PLCL2: variants seen among roughly 807,000 people sequenced by gnomAD.
The protein encoded by PLCL2 is phospholipase C like 2, also known as inactive phospholipase C-like protein 2.
PLCL2 carries 4 observed loss-of-function variants against 79.6 expected under a neutral mutation model. The ratio of observed to expected loss-of-function variants is 0.05; its 90% CI spans 0.02 to 0.11. The LOEUF is 0.11. Ranked by LOEUF, PLCL2 falls within the 10% of genes least tolerant of loss-of-function variation. The pLI is 1.00. For synonymous variants in PLCL2, 484 were observed against 457.7 expected, an observed-to-expected ratio of 1.06 and a Z score of -0.73; for missense variants, 895 against 1,291.0, an observed-to-expected ratio of 0.69 and a Z score of 4.70.
intron 1 of PLCL2, among the ~76,000 whole-genome samples, chr3:16,967,016 A>G (rs2063814647): frequency 6.6e-6 from 1 of 152,120 alleles, no homozygotes; most frequent in Admixed American, 6.6e-5. Context: ...AAGTGAGAAC[A>G]TGCAGTATTT....
At chr3:17,038,579 T>G (rs895693359) in intron 3 of PLCL2, among the ~76,000 whole-genome samples, 3 of 152,188 alleles carry the variant, frequency 2.0e-5, no homozygotes, top group African/African-American at 7.2e-5. Context: ...AGATGCTTAT[T>G]CTAGTAGTTT....
At chr3:17,027,094 T>C (rs566323177) in intron 3 of PLCL2, among the ~76,000 whole-genome samples, 1 of 152,262 alleles carries the variant, frequency 6.6e-6, no homozygotes, top group East Asian at 1.9e-4. Context: ...GTAATATGTG[T>C]TTATTCTTTT....
At chr3:17,077,517 G>A (rs1324870803) in intron 5 of PLCL2, among the ~76,000 whole-genome samples, 1 of 152,200 alleles carries the variant, frequency 6.6e-6, no homozygotes, top group Non-Finnish European at 1.5e-5. Context: ...CATCAGGAAT[G>A]TAGAATGGAA....
chr3:17,090,273 T>A lies in PLCL2; in HGVS notation c.*361T>A. On this transcript the variant is annotated 3_prime_UTR_variant, in exon 6 of 6. Transcript: ENST00000615277. The stretch of plus-strand genomic sequence containing the variant: ...TGGATTGGATTGTCAAATTATTATT[T>A]ATTGGAGAAAAAAACCTGATCTACA... 1.0e-6 allele frequency: 1 copy of A among 984,306 alleles called. No homozygotes were observed. Among genetic ancestry groups the A allele is most frequent in the Admixed American group, 6.0e-5 (1 of 16,552 alleles). 61.0% of individuals were successfully genotyped at this position (984,306 alleles called of 1,614,324 possible).
chr3:16,957,868 T>C (rs2063721122), intron 1 of PLCL2, among the ~76,000 whole-genome samples: 1 of 152,212 alleles, frequency 6.6e-6, no homozygotes, highest in Admixed American at 6.5e-5. Flanking sequence ...CTTTTTTGTT[T>C]TCCATTTGCT....
intron 1 of PLCL2, among the ~76,000 whole-genome samples, chr3:17,004,166 A>T (rs76958468): frequency 0.017 from 2,567 of 152,124 alleles, 83 homozygotes; most frequent in African/African-American, 0.059. Context: ...TGGCTCTCTG[A>T]TGCATACAAG....
chr3:17,049,732 A>G (rs2064819078), intron 4 of PLCL2, among the ~76,000 whole-genome samples: 1 of 152,198 alleles, frequency 6.6e-6, no homozygotes, highest in Non-Finnish European at 1.5e-5. Flanking sequence ...GGAAGAATCA[A>G]TATTGTTAAA....
chr3:17,007,987 G>A (rs935689088), intron 1 of PLCL2, among the ~76,000 whole-genome samples: 2 of 152,080 alleles, frequency 1.3e-5, no homozygotes, highest in Non-Finnish European at 2.9e-5. Context: ...AATAATAAAG[G>A]TCTCCATACA....
At chr3:16,970,578 A>G (rs535657037) in intron 1 of PLCL2, among the ~76,000 whole-genome samples, 10 of 149,294 alleles carry the variant, frequency 6.7e-5, no homozygotes, top group African/African-American at 1.7e-4. Context: ...TATATACCCA[A>G]TAATGGGATG....
intron 3 of PLCL2, among the ~76,000 whole-genome samples, chr3:17,035,393 T>C (rs1044684190): frequency 6.9e-6 from 1 of 145,228 alleles, no homozygotes; most frequent in South Asian, 2.3e-4. Context: ...TTGTAAGGTG[T>C]GTTACAATTT....
intron 1 of PLCL2, among the ~76,000 whole-genome samples, chr3:16,911,563 G>A (rs1274631657): frequency 1.3e-5 from 2 of 152,058 alleles, no homozygotes; most frequent in African/African-American, 4.8e-5. Context: ...TAAGAAAGAG[G>A]AGTTCAGTGC....
intron 4 of PLCL2, among the ~76,000 whole-genome samples, chr3:17,051,043 G>A (rs2064833649): frequency 6.6e-6 from 1 of 151,960 alleles, no homozygotes; most frequent in Non-Finnish European, 1.5e-5. Flanking sequence ...GCCAAGCACA[G>A]AAAGACAAAC....
At chr3:17,062,150 CA>C (rs1055596500) in intron 4 of PLCL2, among the ~76,000 whole-genome samples, 1 of 152,196 alleles carries the variant, frequency 6.6e-6, no homozygotes, top group Non-Finnish European at 1.5e-5. Context: ...AGAGCAGCCA[CA>C]CCAGGCCAGC....
intron 5 of PLCL2, among the ~76,000 whole-genome samples, chr3:17,087,407 A>C (rs188883512): frequency 4.6e-5 from 7 of 152,366 alleles, no homozygotes; most frequent in Non-Finnish European, 1.0e-4. Context: ...AGCCAATCCA[A>C]AAAGGCTACA....
intron 1 of PLCL2, among the ~76,000 whole-genome samples, chr3:16,895,777 G>C (rs184199488): frequency 7.9e-4 from 120 of 152,224 alleles, no homozygotes; most frequent in Middle Eastern, 3.4e-3. Context: ...AGAAAGAACA[G>C]AAACAGCAGA....
At chr3:16,901,601 A>C (rs569425060) in intron 1 of PLCL2, among the ~76,000 whole-genome samples, 9 of 152,188 alleles carry the variant, frequency 5.9e-5, no homozygotes, top group African/African-American at 1.9e-4. Context: ...CTGTTAATTA[A>C]CAGGCAGGGA....
In PLCL2 at chr3:16,963,165, T is replaced by A. The variant is rs576164715; in HGVS notation, c.328-46509T>A. 9.9e-5 allele frequency among the ~76,000 whole-genome samples: 15 copies of A among 152,186 alleles called. No homozygotes were observed. In the South Asian group the frequency reaches 2.9e-3, roughly 29 times the overall value. On this transcript the variant is annotated intron_variant, in intron 1 of 5. Transcript: ENST00000615277. ...ACTATTAATTTGCAATATTAAAAAA[T>A]TTTGATTATTTAGTGCTAATGAAAG...
intron 1 of PLCL2, among the ~76,000 whole-genome samples, chr3:16,893,087 G>A (rs1411149137): frequency 6.6e-6 from 1 of 152,146 alleles, no homozygotes; most frequent in Non-Finnish European, 1.5e-5. Flanking sequence ...ATCTTATGAT[G>A]AAACCAATGT....
chr3:16,975,338 A>G (rs2063914312), intron 1 of PLCL2, among the ~76,000 whole-genome samples: 1 of 152,194 alleles, frequency 6.6e-6, no homozygotes, highest in Admixed American at 6.5e-5. Context: ...GGCATAGCTC[A>G]GTGAAGCCCA....
Sources: gnomAD v4.1 joint callset for allele counts (sites outside exome capture counted in the v4.1 genomes callset) on GRCh38, gnomAD v4.1.1 for gene constraint, MANE v1.5 for transcripts, NCBI Gene and HGNC (gene_info 2026-07-23, HGNC 2026-07-21) for gene names.